SCRN3: variants seen among roughly 807,000 people sequenced by gnomAD.
SCRN3 encodes the protein secernin-3.
A neutral mutation model predicts 43.1 loss-of-function variants in SCRN3; 39 were observed. That is an observed-to-expected ratio of 0.91 (90% confidence interval 0.70 to 1.18). The LOEUF is 1.18. Among genes scored for constraint, SCRN3 ranks in the 50% most tolerant of loss-of-function variants. The pLI, the probability that SCRN3 is intolerant of heterozygous loss-of-function variation, is 0.00. For synonymous variants in SCRN3, 147 were observed against 163.1 expected (o/e 0.90, Z 0.75); for missense variants, 484 against 498.0 (o/e 0.97, Z 0.27).
At position 174,398,309 on chromosome 2, in the gene SCRN3, T is replaced by C. The variant is rs1245450896; in HGVS notation, c.26T>C (p.Phe9Ser). ...ATGGAACCTTTTTCCTGTGACACTTTCGTGGCATTACCTCCAGCAACAGTC... is the reference window on the plus strand; with the variant it reads ...ATGGAACCTTTTTCCTGTGACACTTCCGTGGCATTACCTCCAGCAACAGTC... MEPFSCDT[F>S]VALPPATVDN... The change falls in exon 2 of 8, where the codon TTC becomes TCC. Residue 9 changes from phenylalanine (F) to serine (S), a missense_variant. Phe to Ser is a radical substitution (Grantham distance 155). Transcript: ENST00000272732. 6.3e-6 allele frequency: 10 copies of C among 1,583,564 alleles called. No individual in the cohort carries two copies. Among genetic ancestry groups the C allele is most frequent in the African/African-American group, 2.7e-5 (2 of 73,142 alleles).
At chr2:174,424,420 C>A in intron 6 of SCRN3, 55 bp from the exon 7 acceptor site, 1 of 1,246,752 alleles carries the variant, frequency 8.0e-7, no homozygotes, top group Non-Finnish European at 1.1e-6. Flanking sequence ...CTTAGACTAA[C>A]ACTGAATATT....
intron 5 of SCRN3, among the ~76,000 whole-genome samples, chr2:174,415,983 C>G (rs189987526): frequency 7.2e-4 from 110 of 152,288 alleles, no homozygotes; most frequent in Non-Finnish European, 1.4e-3. Context: ...AGCAACTACT[C>G]TGAGATGGAT....
intron 5 of SCRN3, chr2:174,409,972 TGTG>T (rs1403756941): frequency 6.7e-6 from 1 of 148,528 alleles, no homozygotes; most frequent in Non-Finnish European, 1.5e-5. Flanking sequence ...CTCCTTGAGC[TGTG>T]GTGGGCTCCA....
rs1405169772 is a variant in SCRN3 at position 174,399,956 on chromosome 2, CAT to C, written c.197_198del (p.Tyr66CysfsTer19). On this transcript the variant is annotated frameshift_variant, in exon 3 of 8. Coordinates refer to ENST00000272732, the MANE Select transcript of SCRN3 (RefSeq NM_024583.5). LOFTEE classifies it high-confidence loss of function. ...ATAGAAATTGATCAAGTTCCTGAAA[CAT>C]ATGCTGTTGTCCTGAGTCGCCCAGC... is the stretch of plus-strand genomic sequence containing the variant. The C allele has an allele frequency of 2.0e-6, 3 of 1,486,652 alleles. No homozygotes were observed. Among genetic ancestry groups the C allele is most frequent in the Non-Finnish European group, 2.7e-6 (3 of 1,114,148 alleles). The allele number at this position is 1,486,652 out of a possible 1,614,324, so 92.1% of individuals were successfully genotyped here. A position where few individuals can be genotyped will look rare whatever the true frequency, so the allele number is the denominator to read the frequency against.
At chr2:174,419,216 C>T (rs1289363505) in intron 5 of SCRN3, among the ~76,000 whole-genome samples, 3 of 151,950 alleles carry the variant, frequency 2.0e-5, no homozygotes, top group African/African-American at 7.3e-5. Context: ...TTTTTTAATT[C>T]TTTTACTGTC....
intron 5 of SCRN3, among the ~76,000 whole-genome samples, chr2:174,408,748 G>C (rs1297490351): frequency 1.4e-5 from 2 of 141,986 alleles, no homozygotes; most frequent in Admixed American, 1.4e-4. Context: ...GAAATTCTGG[G>C]TTGAAAATTC....
chr2:174,427,846 A>G lies in SCRN3; in HGVS notation c.1226A>G (p.Asp409Gly). Residue 409 changes from aspartate (D) to glycine (G), a missense_variant, in exon 8 of 8, where the codon GAT (aspartate) becomes GGT (glycine). By Grantham distance (94) the Asp-to-Gly change is moderately conservative. Transcript: ENST00000272732. ...IVNLFPQCTKDEIQIYQSNLS... is the reference protein window; with the variant it reads ...IVNLFPQCTKGEIQIYQSNLS... ...AATCTCTTTCCTCAGTGTACAAAAG[A>G]TGAAATTCAAATTTATCAGTCAAAT... The G allele has an allele frequency of 6.2e-7, 1 of 1,603,620 alleles. No homozygotes were observed. The highest frequency in any genetic ancestry group is 2.2e-5 in the East Asian group (1 of 44,630).
At chr2:174,400,181 T>C in intron 3 of SCRN3, 78 bp downstream of exon 3, 1 of 1,148,030 alleles carries the variant, frequency 8.7e-7, no homozygotes, top group Non-Finnish European at 1.2e-6. Flanking sequence ...TGTTTTATTT[T>C]CCTATTTTTG....
At chr2:174,400,231 T>A in intron 3 of SCRN3, 128 bp downstream of exon 3, 1 of 627,580 alleles carries the variant, frequency 1.6e-6, no homozygotes, top group Non-Finnish European at 2.6e-6. Context: ...CAAAATGGTT[T>A]AAAGTACCGG....
intron 1 of SCRN3, 53 bp from the exon 2 acceptor site, chr2:174,398,222 T>G: frequency 8.9e-7 from 1 of 1,128,128 alleles, no homozygotes; most frequent in South Asian, 1.7e-5. Flanking sequence ...ACTCTTTATT[T>G]TTATATACTT....
At chr2:174,396,303 C>A in intron 1 of SCRN3, 32 of 987,484 alleles carry the variant, frequency 3.2e-5, no homozygotes, top group Non-Finnish European at 3.8e-5. Context: ...GGTAAAATCT[C>A]TCAAGGCTTC....
intron 6 of SCRN3, 65 bp from the exon 7 acceptor site, chr2:174,424,410 C>T: frequency 8.6e-7 from 1 of 1,161,976 alleles, no homozygotes; most frequent in Non-Finnish European, 1.2e-6. Context: ...TCTTAGAAGA[C>T]TTAGACTAAC....
chr2:174,396,758 A>G (rs187522307), intron 1 of SCRN3, among the ~76,000 whole-genome samples: 2 of 151,876 alleles, frequency 1.3e-5, no homozygotes, highest in Non-Finnish European at 2.9e-5. Flanking sequence ...AGACTGCTCC[A>G]TTGCACTCCA....
At chr2:174,416,390 C>T (rs1030463432) in intron 5 of SCRN3, among the ~76,000 whole-genome samples, 1 of 152,130 alleles carries the variant, frequency 6.6e-6, no homozygotes, top group African/African-American at 2.4e-5. Context: ...CTGCTGGGAA[C>T]CAGTGAACAG....
chr2:174,414,765 C>CTTTTTTTTTTTTT (rs553055709), intron 5 of SCRN3, among the ~76,000 whole-genome samples: 16 of 131,188 alleles, frequency 1.2e-4, no homozygotes, highest in Non-Finnish European at 1.6e-4. Flanking sequence ...TTTCTATTTT[C>CTTTTTTTTTTTTT]TTTTTTTTTT....
chr2:174,395,748 C>G lies in SCRN3; in HGVS notation c.-79C>G, dbSNP rs1417036206. ...TTCCGAGATCAAAGGTGACAGCTTC[C>G]GGCAACTGATGCCTCCACTGGCCAC... On this transcript the variant is annotated 5_prime_UTR_variant, in exon 1 of 8. Transcript: ENST00000272732. 1 of 1,596,298 alleles carries G rather than the reference C, an allele frequency of 6.3e-7. No individual in the cohort carries two copies. Among genetic ancestry groups the G allele is most frequent in the Non-Finnish European group, 8.5e-7 (1 of 1,170,428 alleles).
At position 174,398,257 on chromosome 2, in the gene SCRN3, C is replaced by T. The variant is rs1379620913; in HGVS notation, c.-9-18C>T. On this transcript the variant is annotated intron_variant, in intron 1 of 7. Coordinates refer to ENST00000272732, the MANE Select transcript of SCRN3 (RefSeq NM_024583.5). ...TAAAAGTGTTCTTTTTATTTTAAAACATCTGTATAATTTTTAGTTAAAAAA... is the reference window on the plus strand; with the variant it reads ...TAAAAGTGTTCTTTTTATTTTAAAATATCTGTATAATTTTTAGTTAAAAAA... The T allele has an allele frequency of 3.4e-6, 5 of 1,479,706 alleles. No individual in the cohort carries two copies. The African/African-American group carries it at 4.3e-5, about 13-fold the overall frequency. The allele number at this position is 1,479,706 out of a possible 1,614,324, so 91.7% of individuals were successfully genotyped here. A position where few individuals can be genotyped will look rare whatever the true frequency, so the allele number is the denominator to read the frequency against.
Position 174,427,927 on chromosome 2 carries a change from G to C in SCRN3, c.*32G>C. On this transcript the variant is annotated 3_prime_UTR_variant, in exon 8 of 8. Transcript: ENST00000272732. ...TATGGTCAGCTAATATTAGTTCTTA[G>C]TGATCAGTGGTCAGTAATCTTCAAA... 7.2e-7 allele frequency: 1 copy of C among 1,380,772 alleles called. No homozygotes were observed. Among genetic ancestry groups the C allele is most frequent in the Non-Finnish European group, 1.0e-6 (1 of 984,316 alleles). The allele number at this position is 1,380,772 out of a possible 1,614,324, so 85.5% of individuals were successfully genotyped here.
intron 5 of SCRN3, 98 bp from the exon 6 acceptor site, chr2:174,422,787 C>T (rs1686336040): frequency 1.5e-6 from 1 of 678,472 alleles, no homozygotes; most frequent in Admixed American, 2.9e-5. Context: ...TATGTCAAGA[C>T]TAATATCTCA....
Sources: gnomAD v4.1 joint callset for allele counts (sites outside exome capture counted in the v4.1 genomes callset) on GRCh38, gnomAD v4.1.1 for gene constraint, MANE v1.5 for transcripts, NCBI Gene and HGNC (gene_info 2026-07-23, HGNC 2026-07-21) for gene names.